The following CCDC7 variants were observed in gnomAD, a reference collection of about 807,000 sequenced individuals.
CCDC7 encodes the protein coiled-coil domain-containing protein 7.
In CCDC7, 183 loss-of-function variants were observed where a neutral mutation model predicts 196.9. That is an observed-to-expected ratio of 0.93 (90% CI 0.82 to 1.05). The LOEUF is 1.05. Ranked by LOEUF, CCDC7 falls within the 50% of genes least tolerant of loss-of-function variation. CCDC7 has a pLI of 0.00. For synonymous variants in CCDC7, 525 were observed against 484.6 expected (o/e 1.08, Z -1.10); for missense variants, 1,540 against 1,482.2 (o/e 1.04, Z -0.64).
At chr10:32,853,232 A>G (rs1053331002) in intron 40 of CCDC7, among the ~76,000 whole-genome samples, 1 of 152,138 alleles carries the variant, frequency 6.6e-6, no homozygotes, top group African/African-American at 2.4e-5. Flanking sequence ...ATGCTTAAAG[A>G]AAACAAAGAG....
intron 31 of CCDC7, among the ~76,000 whole-genome samples, chr10:32,822,462 T>C (rs7919214): frequency 0.34 from 52,103 of 152,154 alleles, 11,330 homozygotes; most frequent in Non-Finnish European, 0.49. Flanking sequence ...AGTGTGTTCA[T>C]GTAACAAATC....
At chr10:32,661,341 T>C (rs2071392247) in intron 20 of CCDC7, among the ~76,000 whole-genome samples, 1 of 151,564 alleles carries the variant, frequency 6.6e-6, no homozygotes, top group South Asian at 2.1e-4. Context: ...GGAGAGGATG[T>C]GGAGAAATAG....
intron 18 of CCDC7, among the ~76,000 whole-genome samples, chr10:32,597,725 T>C (rs2060543405): frequency 6.6e-6 from 1 of 152,218 alleles, no homozygotes; most frequent in Non-Finnish European, 1.5e-5. Context: ...TTCTGTTTGT[T>C]AGTTTTCCTT....
chr10:32,684,305 T>G (rs1314283818), intron 21 of CCDC7, among the ~76,000 whole-genome samples: 1 of 152,136 alleles, frequency 6.6e-6, no homozygotes, highest in Non-Finnish European at 1.5e-5. Context: ...CCCTTGGAGC[T>G]CCACATGGGC....
At position 32,630,473 on chromosome 10, in the gene CCDC7, G is replaced by T. The variant is rs191890997; in HGVS notation, c.1802-3781G>T. On this transcript the variant is annotated intron_variant, in intron 18 of 41. Transcript: ENST00000639629. ...ATGTGAGGTTAGTGCAGGGAGTGGG[G>T]TTAGTACAGGGAGTCCTTTTCCCAT... Among the ~76,000 whole-genome samples the T allele has an allele frequency of 1.8e-3, 280 of 152,072 alleles. 10 individuals carry two copies. The highest frequency in any genetic ancestry group is 0.016 in the Admixed American group (245 of 15,268).
At chr10:32,872,759 G>C (rs1275852627) in intron 41 of CCDC7, among the ~76,000 whole-genome samples, 2 of 151,948 alleles carry the variant, frequency 1.3e-5, no homozygotes, top group Non-Finnish European at 2.9e-5. Context: ...CTCAGCATTT[G>C]CTTGTCTGTA....
chr10:32,689,823 C>G (rs2076876222), intron 23 of CCDC7, among the ~76,000 whole-genome samples: 1 of 152,100 alleles, frequency 6.6e-6, no homozygotes, highest in Non-Finnish European at 1.5e-5. Flanking sequence ...CAACCTCCGC[C>G]TCCCGGGCTC....
In CCDC7 at chr10:32,488,104, A is replaced by T. The variant is rs2041514738; in HGVS notation, c.797-3818A>T. 2.0e-5 allele frequency among the ~76,000 whole-genome samples: 3 copies of T among 152,334 alleles called. No individual in the cohort carries two copies. The South Asian group carries it at 6.2e-4, about 32-fold the overall frequency. ...AGAGGTGGAGTCTACAGAGGCAGAC[A>T]GGCCTCCTTGAGCTGTGGTTGGCTC... On this transcript the variant is annotated intron_variant, in intron 8 of 41. Transcript: ENST00000639629.
chr10:32,571,910 A>C lies in CCDC7; in HGVS notation c.1454+17A>C. 15 of 1,567,434 alleles carry C rather than the reference A, an allele frequency of 9.6e-6. No individual in the cohort carries two copies. Among genetic ancestry groups the C allele is most frequent in the Non-Finnish European group, 1.3e-5 (15 of 1,160,126 alleles). On this transcript the variant is annotated intron_variant, in intron 16 of 41. Coordinates refer to ENST00000639629, the Ensembl canonical transcript of CCDC7. The stretch of plus-strand genomic sequence containing the variant: ...TGAAAAGAGGTAAAACACTTTTTAA[A>C]AATTTGTTCCCTCATTTTCTAATCT...
At chr10:32,582,109 T>TATATATATATATAC (rs2058784095) in intron 16 of CCDC7, among the ~76,000 whole-genome samples, 1 of 27,996 alleles carries the variant, frequency 3.6e-5, no homozygotes, top group African/African-American at 3.2e-4. Flanking sequence ...GTCAGCACTA[T>TATATATATATATAC]ATATATATAT....
upstream of CCDC7, among the ~76,000 whole-genome samples, chr10:32,449,367 T>C (rs1289109741): frequency 3.9e-5 from 6 of 152,096 alleles, no homozygotes; most frequent in Non-Finnish European, 8.8e-5. Flanking sequence ...TTTGTATTTT[T>C]AATAGAGACA....
intron 24 of CCDC7, among the ~76,000 whole-genome samples, chr10:32,706,117 G>C (rs1333641726): frequency 6.6e-6 from 1 of 152,072 alleles, no homozygotes; most frequent in Non-Finnish European, 1.5e-5. Flanking sequence ...ATAACAAACT[G>C]TCTCTCAGAC....
chr10:32,775,875 C>G (rs1340214831), intron 28 of CCDC7, among the ~76,000 whole-genome samples: 3 of 151,604 alleles, frequency 2.0e-5, no homozygotes, highest in Non-Finnish European at 4.4e-5. Flanking sequence ...AGACTTGGAA[C>G]CAACCCAAAT....
intron 21 of CCDC7, among the ~76,000 whole-genome samples, chr10:32,676,631 A>G (rs1351763286): frequency 6.6e-6 from 1 of 152,262 alleles, no homozygotes; most frequent in Non-Finnish European, 1.5e-5. Flanking sequence ...GCTCACCATC[A>G]CTGGCCATCA....
chr10:32,735,049 T>C (rs1451921732), intron 28 of CCDC7, among the ~76,000 whole-genome samples: 2 of 120,470 alleles, frequency 1.7e-5, no homozygotes, highest in African/African-American at 5.7e-5. Context: ...TTGTAAACAG[T>C]TTAGACAGAG....
intron 41 of CCDC7, among the ~76,000 whole-genome samples, chr10:32,869,643 T>C (rs375388379): frequency 2.6e-5 from 4 of 152,028 alleles, no homozygotes; most frequent in Admixed American, 1.3e-4. Flanking sequence ...CTTGCCCATG[T>C]CTATGTCCTG....
intron 41 of CCDC7, among the ~76,000 whole-genome samples, chr10:32,873,797 C>A (rs1247911928): frequency 6.6e-6 from 1 of 151,842 alleles, no homozygotes; most frequent in East Asian, 1.9e-4. Context: ...TTTTAGGAAG[C>A]TGCCACACTA....
At chr10:32,729,548 C>T (rs2083606921) in intron 28 of CCDC7, 91 bp downstream of exon 29, 1 of 544,522 alleles carries the variant, frequency 1.8e-6, no homozygotes, top group Non-Finnish European at 3.0e-6. Flanking sequence ...CAACCATATG[C>T]TTCTTCTGCT....
chr10:32,637,463 C>T (rs1341911582), intron 20 of CCDC7, among the ~76,000 whole-genome samples: 2 of 152,176 alleles, frequency 1.3e-5, no homozygotes, highest in Non-Finnish European at 2.9e-5. Flanking sequence ...GCCAGTTTTC[C>T]CAGCACCATT....
Sources: gnomAD v4.1 joint callset for allele counts (sites outside exome capture counted in the v4.1 genomes callset) on GRCh38, gnomAD v4.1.1 for gene constraint, MANE v1.5 for transcripts, NCBI Gene and HGNC (gene_info 2026-07-23, HGNC 2026-07-21) for gene names.